Variants in RTN4 observed in about 807,000 individuals in gnomAD.
RTN4 encodes reticulon 4.
A neutral mutation model predicts 90.4 loss-of-function variants in RTN4; 32 were observed. The observed-to-expected ratio is 0.35, with a 90% CI of 0.27 to 0.48. The LOEUF (loss-of-function observed/expected upper bound fraction) is 0.48, where lower values mean the gene tolerates loss of function less well. Ranked by LOEUF, RTN4 falls within the 20% of genes least tolerant of loss-of-function variation. The probability of loss-of-function intolerance (pLI) is 0.99; values close to 1 mark genes in which losing one functional copy is unlikely to be tolerated. For missense variants in RTN4, 1,706 were observed against 1,430.2 expected (o/e 1.19, Z -3.11); for synonymous variants, 629 against 552.5 (o/e 1.14, Z -1.94).
intron 3 of RTN4, among the ~76,000 whole-genome samples, chr2:55,001,939 C>G (rs1019921369): frequency 6.6e-6 from 1 of 152,092 alleles, no homozygotes; most frequent in Non-Finnish European, 1.5e-5. Flanking sequence ...ATTCTAAAAC[C>G]TTATGCACGG....
chr2:55,124,002 C>T, the RTN4 span, among the ~76,000 whole-genome samples: 1 of 152,098 alleles, frequency 6.6e-6, no homozygotes, highest in Non-Finnish European at 1.5e-5. Context: ...ACTTTGTATC[C>T]TTATTGTACT....
intron 5 of RTN4, among the ~76,000 whole-genome samples, chr2:54,976,618 C>T (rs1677656099): frequency 6.6e-6 from 1 of 152,080 alleles, no homozygotes. Context: ...AATACTTCGG[C>T]GGCCCAAAAC....
At chr2:55,075,478 A>T (rs1668583729) in intron 2 of RTN4, among the ~76,000 whole-genome samples, 1 of 152,230 alleles carries the variant, frequency 6.6e-6, no homozygotes, top group Non-Finnish European at 1.5e-5. Context: ...ATGCTTATGG[A>T]TGAGTAGAAT....
At chr2:55,039,528 C>A (rs1381954223) in intron 1 of RTN4, among the ~76,000 whole-genome samples, 1 of 152,192 alleles carries the variant, frequency 6.6e-6, no homozygotes, top group Non-Finnish European at 1.5e-5. Flanking sequence ...CTCGCTCACA[C>A]CAGCACTTTG....
chr2:55,123,841 A>C, the RTN4 span, among the ~76,000 whole-genome samples: 26 of 152,006 alleles, frequency 1.7e-4, no homozygotes, highest in Non-Finnish European at 3.1e-4. Flanking sequence ...AGGACTCTGC[A>C]TTTTCATTTT....
the RTN4 span, among the ~76,000 whole-genome samples, chr2:55,125,089 CAAAAG>C: frequency 6.6e-6 from 1 of 151,852 alleles, no homozygotes; most frequent in Non-Finnish European, 1.5e-5. Context: ...CTGCACAAAA[CAAAAG>C]AAAAAAATTC....
chr2:55,072,900 A>G (rs1356799199), intron 2 of RTN4, among the ~76,000 whole-genome samples: 2 of 152,202 alleles, frequency 1.3e-5, no homozygotes, highest in Non-Finnish European at 2.9e-5. Context: ...TAATCAAAAG[A>G]GAAACTGTTA....
chr2:55,092,844 T>A (rs1668964528), intron 1 of RTN4, among the ~76,000 whole-genome samples: 1 of 152,256 alleles, frequency 6.6e-6, no homozygotes, highest in Non-Finnish European at 1.5e-5. Flanking sequence ...CCAGGAAAAT[T>A]CACATGGGGT....
intron 4 of RTN4, among the ~76,000 whole-genome samples, chr2:54,985,093 A>G (rs963054750): frequency 6.6e-6 from 1 of 151,804 alleles, no homozygotes; most frequent in Non-Finnish European, 1.5e-5. Context: ...ATATTTCAGC[A>G]TAACTAATTA....
chr2:55,109,072 C>G (rs192979814), intron 1 of RTN4, among the ~76,000 whole-genome samples: 1 of 152,008 alleles, frequency 6.6e-6, no homozygotes, highest in South Asian at 2.1e-4. Context: ...ATACATCGAA[C>G]CTTTAAACAC....
chr2:55,038,148 A>C (rs1682817625), intron 1 of RTN4, among the ~76,000 whole-genome samples: 1 of 152,182 alleles, frequency 6.6e-6, no homozygotes, highest in African/African-American at 2.4e-5. Flanking sequence ...CTCAAAACGG[A>C]TCAAGACAAA....
intron 2 of RTN4, among the ~76,000 whole-genome samples, chr2:55,057,134 C>T (rs562361293): frequency 1.1e-4 from 17 of 152,334 alleles, no homozygotes; most frequent in African/African-American, 3.4e-4. Context: ...AATACATTTA[C>T]ATTGCTCTCC....
intron 3 of RTN4, among the ~76,000 whole-genome samples, chr2:55,001,860 G>A (rs1453559840): frequency 5.9e-5 from 9 of 152,082 alleles, no homozygotes; most frequent in Non-Finnish European, 1.0e-4. Flanking sequence ...GCCATTTTGT[G>A]CTAGTATACA....
chr2:55,026,414 T>A lies in RTN4; in HGVS notation c.1685A>T (p.Glu562Val), dbSNP rs1363838307. The change falls in exon 3 of 9, where the codon GAA (glutamate) becomes GTA (valine). Residue 562 changes from glutamate to valine, a missense_variant. Physicochemically the swap from Glu to Val is moderately radical, Grantham distance 121. Transcript: ENST00000337526. ...PDLVQEACES[E>V]LNEVTGTKIA... ...CTTTGTACCAGTAACTTCATTCAAT[T>A]CACTTTCACATGCTTCCTGTACTAA... 6.2e-7 allele frequency: 1 copy of A among 1,613,824 alleles called. No homozygotes were observed. The highest frequency in any genetic ancestry group is 8.5e-7 in the Non-Finnish European group (1 of 1,179,914).
intron 5 of RTN4, among the ~76,000 whole-genome samples, chr2:54,977,090 G>A (rs967045851): frequency 4.6e-5 from 7 of 152,204 alleles, no homozygotes; most frequent in Admixed American, 3.9e-4. Flanking sequence ...TTTGGGGGAA[G>A]GGGTATCTTT....
intron 1 of RTN4, among the ~76,000 whole-genome samples, chr2:55,040,112 T>C (rs892001042): frequency 1.3e-5 from 2 of 152,158 alleles, no homozygotes; most frequent in African/African-American, 4.8e-5. Flanking sequence ...ATATAGCCTA[T>C]AAAATATAAT....
intron 1 of RTN4, among the ~76,000 whole-genome samples, chr2:55,046,263 A>T (rs1222817589): frequency 1.3e-5 from 2 of 152,200 alleles, no homozygotes; most frequent in Admixed American, 1.3e-4. Context: ...AAATCACAAT[A>T]TAATTATTTA....
rs200633765 is a variant in RTN4, at chr2:55,008,142, AACAC to A, written c.3013+16940_3013+16943del. ...TTAAATACCAGTTAATCGGCAAGCA[AACAC>A]ACACACACACACACACACACACACA... On this transcript the variant is annotated intron_variant, in intron 3 of 8. Transcript: ENST00000337526. Among the ~76,000 whole-genome samples the A allele has an allele frequency of 1.2e-3, 175 of 145,098 alleles. 1 individual carries two copies. Among genetic ancestry groups the A allele is most frequent in the Admixed American group, 4.2e-3 (60 of 14,362 alleles).
chr2:55,104,083 C>A (rs1326449946), intron 1 of RTN4, among the ~76,000 whole-genome samples: 2 of 152,028 alleles, frequency 1.3e-5, no homozygotes, highest in Non-Finnish European at 2.9e-5. Context: ...TGGAATCTTG[C>A]TCTGTTGCCC....
Sources: allele counts gnomAD v4.1 joint callset (sites outside exome capture counted in the v4.1 genomes callset), GRCh38; gene constraint gnomAD v4.1.1; transcripts MANE v1.5; gene names NCBI Gene and HGNC (gene_info 2026-07-23, HGNC 2026-07-21).